The following HIVEP3 variants were observed in gnomAD, a reference collection of about 807,000 sequenced individuals.
The protein encoded by HIVEP3 is transcription factor HIVEP3.
HIVEP3 carries 49 observed loss-of-function variants against 152.8 expected under a neutral mutation model. The observed-to-expected ratio is 0.32, with a 90% CI of 0.26 to 0.41. The LOEUF (loss-of-function observed/expected upper bound fraction) is 0.41, where lower values mean the gene tolerates loss of function less well. HIVEP3 is among the 10% of genes least tolerant of loss of function. HIVEP3 has a pLI of 1.00. For missense variants in HIVEP3, 2,790 were observed against 3,103.3 expected, an observed-to-expected ratio of 0.90 and a Z score of 2.40; for synonymous variants, 1,269 against 1,289.0, an observed-to-expected ratio of 0.98 and a Z score of 0.33.
At chr1:41,854,666 C>A in intron 1 of HIVEP3, among the ~76,000 whole-genome samples, 1 of 86,176 alleles carries the variant, frequency 1.2e-5, no homozygotes, top group Non-Finnish European at 2.2e-5. Context: ...CAATGTTATC[C>A]CTCCCCCCTC....
intron 1 of HIVEP3, among the ~76,000 whole-genome samples, chr1:41,963,140 T>C (rs1645178050): frequency 6.6e-6 from 1 of 152,182 alleles, no homozygotes. Context: ...GCCTCCCATG[T>C]AGCTGGGACT....
intron 1 of HIVEP3, among the ~76,000 whole-genome samples, chr1:41,754,432 G>T (rs888119411): frequency 1.3e-5 from 2 of 152,200 alleles, no homozygotes; most frequent in African/African-American, 4.8e-5. Context: ...AGCAGCAAGT[G>T]AGCCAAGGTA....
At chr1:41,728,490 G>T (rs927160209) in intron 1 of HIVEP3, among the ~76,000 whole-genome samples, 1 of 151,984 alleles carries the variant, frequency 6.6e-6, no homozygotes, top group Non-Finnish European at 1.5e-5. Flanking sequence ...GTAAGGGGGG[G>T]TGAAATGTAA....
chr1:41,930,043 C>T (rs1400985258), intron 1 of HIVEP3, among the ~76,000 whole-genome samples: 2 of 152,030 alleles, frequency 1.3e-5, no homozygotes, highest in Non-Finnish European at 1.5e-5. Flanking sequence ...GGTCAGCTCC[C>T]TTCTTCCTCA....
chr1:41,518,209 G>A (rs146947623), intron 7 of HIVEP3, among the ~76,000 whole-genome samples, 193 bp downstream of exon 7: 82 of 152,280 alleles, frequency 5.4e-4, no homozygotes, highest in Admixed American at 1.2e-3. Context: ...GAGGTGGCTC[G>A]ATCATTCAGG....
rs993403402 is a variant in HIVEP3, at chr1:41,946,349, C to A, written n.120-27825G>T. ...GCCCATGCCATCACCCTCAGAGCCC[C>A]GGGTATGTTTGACCATTGAGAGCCA... On this transcript the variant is annotated intron_variant and non_coding_transcript_variant, in intron 1 of 3. Coordinates refer to the HIVEP3 transcript ENST00000489103. Among the ~76,000 whole-genome samples, 17 of 152,284 alleles carry A rather than the reference C, an allele frequency of 1.1e-4. No homozygotes were observed. The South Asian group carries it at 3.5e-3, about 32-fold the overall frequency.
At chr1:41,599,224 C>T (rs1312811291) in intron 3 of HIVEP3, among the ~76,000 whole-genome samples, 2 of 152,132 alleles carry the variant, frequency 1.3e-5, no homozygotes, top group Non-Finnish European at 2.9e-5. Flanking sequence ...TGAACCTTGA[C>T]CCCCGATATC....
chr1:42,035,745 C>G (rs1645639518), intron 1 of HIVEP3: 1 of 151,802 alleles, frequency 6.6e-6, no homozygotes, highest in African/African-American at 2.4e-5. Flanking sequence ...AGAGGGCGCC[C>G]GCGCGTCAGA....
chr1:41,788,947 C>T (rs1649527469), intron 1 of HIVEP3, among the ~76,000 whole-genome samples: 1 of 152,238 alleles, frequency 6.6e-6, no homozygotes, highest in Non-Finnish European at 1.5e-5. Context: ...TGTGGTTCTT[C>T]CCAGCTCCAT....
At chr1:41,885,623 T>C (rs1241142447) in intron 1 of HIVEP3, among the ~76,000 whole-genome samples, 1 of 152,124 alleles carries the variant, frequency 6.6e-6, no homozygotes, top group Non-Finnish European at 1.5e-5. Flanking sequence ...TGAGATCACC[T>C]CTGCACTCCA....
chr1:41,524,269 G>T (rs568783932), intron 6 of HIVEP3, among the ~76,000 whole-genome samples: 1 of 152,130 alleles, frequency 6.6e-6, no homozygotes, highest in Non-Finnish European at 1.5e-5. Flanking sequence ...AGGTCGGCGC[G>T]CTCTGGCAGG....
chr1:41,617,746 C>G (rs908547349), intron 3 of HIVEP3, among the ~76,000 whole-genome samples: 2 of 152,242 alleles, frequency 1.3e-5, no homozygotes, highest in Admixed American at 6.5e-5. Flanking sequence ...ACACACATGC[C>G]TTCCTGAGAA....
intron 3 of HIVEP3, among the ~76,000 whole-genome samples, chr1:41,591,106 T>C (rs983605382): frequency 6.6e-6 from 1 of 152,194 alleles, no homozygotes; most frequent in African/African-American, 2.4e-5. Context: ...AGCATTTCTG[T>C]GGAGGGGCTG....
At chr1:41,895,884 ATG>A (rs1159746401) in intron 1 of HIVEP3, among the ~76,000 whole-genome samples, 6 of 152,228 alleles carry the variant, frequency 3.9e-5, no homozygotes, top group African/African-American at 1.2e-4. Flanking sequence ...CAGAGAGACT[ATG>A]TTTGAGCAAA....
At chr1:41,700,443 C>T (rs867299727) in intron 2 of HIVEP3, among the ~76,000 whole-genome samples, 2 of 152,156 alleles carry the variant, frequency 1.3e-5, no homozygotes, top group African/African-American at 4.8e-5. Flanking sequence ...ATCTCTGTGG[C>T]TGTAAAGTCC....
chr1:41,770,806 C>T lies in HIVEP3; in HGVS notation c.-800-69811G>A, dbSNP rs564249384. On this transcript the variant is annotated intron_variant, in intron 1 of 8. Coordinates refer to ENST00000372583, the MANE Select transcript of HIVEP3 (RefSeq NM_024503.5). ...CCACCCCCAAATGCAATGTGCAATC[C>T]TGGATTGGATCCTGTTCCGGGATGC... Among the ~76,000 whole-genome samples the T allele has an allele frequency of 2.6e-4, 40 of 151,698 alleles. 1 individual carries two copies. In the South Asian group the frequency reaches 8.1e-3, roughly 31 times the overall value.
chr1:41,663,099 AGG>A (rs1479569106), intron 2 of HIVEP3, among the ~76,000 whole-genome samples: 57 of 152,370 alleles, frequency 3.7e-4, no homozygotes, highest in African/African-American at 1.4e-3. Context: ...TGCTCTGGCC[AGG>A]ATCAAGCACA....
intron 2 of HIVEP3, among the ~76,000 whole-genome samples, chr1:41,665,454 T>A (rs1468421296): frequency 6.6e-6 from 1 of 151,866 alleles, no homozygotes; most frequent in African/African-American, 2.4e-5. Context: ...TCCTCAAACA[T>A]GAATCAGGCA....
At chr1:41,881,725 T>C (rs1644264754) in intron 1 of HIVEP3, among the ~76,000 whole-genome samples, 1 of 152,250 alleles carries the variant, frequency 6.6e-6, no homozygotes, top group Admixed American at 6.5e-5. Flanking sequence ...AGAAGGACCA[T>C]ACACTCAGCC....
Sources: gnomAD v4.1 joint callset for allele counts (sites outside exome capture counted in the v4.1 genomes callset) on GRCh38, gnomAD v4.1.1 for gene constraint, MANE v1.5 for transcripts, NCBI Gene and HGNC (gene_info 2026-07-23, HGNC 2026-07-21) for gene names.